SUPT16H: variants seen among roughly 807,000 people sequenced by gnomAD.
SUPT16H encodes the protein SPT16 homolog, facilitates chromatin remodeling subunit.
SUPT16H carries 24 observed loss-of-function variants against 136.2 expected under a neutral mutation model. That is an observed-to-expected ratio of 0.18 (90% CI 0.13 to 0.25). SUPT16H has a LOEUF of 0.25. Ranked by LOEUF, SUPT16H falls within the 10% of genes least tolerant of loss-of-function variation. The pLI is 1.00. For missense variants in SUPT16H, 623 were observed against 1,270.2 expected, an observed-to-expected ratio of 0.49 and a Z score of 7.74; for synonymous variants, 415 against 428.2, an observed-to-expected ratio of 0.97 and a Z score of 0.38.
At position 21,355,321 on chromosome 14, in the gene SUPT16H, CGT is replaced by C. The variant is rs1410457658; in HGVS notation, c.2661-783_2661-782del. On this transcript the variant is annotated intron_variant, in intron 22 of 25. Coordinates refer to ENST00000216297, the MANE Select transcript of SUPT16H (RefSeq NM_007192.4). ...CATCTTGGCTAACACGGTGAAACCC[CGT>C]CCTACTAAAAATACAAAAAATTAGC... 5.3e-5 allele frequency among the ~76,000 whole-genome samples: 8 copies of C among 151,952 alleles called. No individual in the cohort carries two copies. In the South Asian group the frequency reaches 8.3e-4, roughly 16 times the overall value.
chr14:21,360,758 C>A, intron 17 of SUPT16H, 88 bp downstream of exon 17: 1 of 1,535,838 alleles, frequency 6.5e-7, no homozygotes, highest in Non-Finnish European at 8.8e-7. Flanking sequence ...CGGCGGATGG[C>A]TCTTTGTCAT....
Position 21,369,211 on chromosome 14 carries a change from C to T in SUPT16H, c.775G>A (p.Val259Met), listed in dbSNP as rs755415943. 6.2e-7 allele frequency: 1 copy of T among 1,613,752 alleles called. No homozygotes were observed. The highest frequency in any genetic ancestry group is 1.1e-5 in the South Asian group (1 of 91,036). The change falls in exon 6 of 26, where the codon GTG becomes ATG. Residue 259 changes from valine to methionine, a missense_variant. Transcript: ENST00000216297. Reference protein sequence around the residue: ...SGGNYNLKFSVVSDKNHMHFG... With the variant: ...SGGNYNLKFSMVSDKNHMHFG... ...AAGTCTTCATATACTTACCTCACCA[C>T]ACTGAACTTGAGATTATAGTTGCCA...
intron 21 of SUPT16H, 71 bp from the exon 22 acceptor site, chr14:21,357,437 C>T (rs1193331137): frequency 2.1e-6 from 3 of 1,414,340 alleles, no homozygotes; most frequent in African/African-American, 2.9e-5. Context: ...AAATAACTTT[C>T]ATGATCTAAA....
intron 1 of SUPT16H, chr14:21,383,500 AG>A: frequency 1.6e-6 from 1 of 613,708 alleles, no homozygotes; most frequent in South Asian, 1.9e-5. Flanking sequence ...GTGGTTCTGG[AG>A]GGACAGAGCG....
intron 1 of SUPT16H, chr14:21,383,414 T>C (rs759839089): frequency 8.0e-6 from 4 of 500,990 alleles, no homozygotes; most frequent in South Asian, 3.1e-5. Context: ...AAAAGCCCGA[T>C]TGACATCCTC....
Position 21,367,296 on chromosome 14 carries a change from ATACTT to A in SUPT16H, c.956-772_956-768del, listed in dbSNP as rs530979932. On this transcript the variant is annotated intron_variant, in intron 7 of 25. Transcript: ENST00000216297. ...CTAGGAGGACAGTGGTCTTAATAAA[ATACTT>A]TAAGAGTTGATAAATGGTATCACAT... 1.8e-3 allele frequency among the ~76,000 whole-genome samples: 278 copies of A among 152,346 alleles called. 1 individual carries two copies. The highest frequency in any genetic ancestry group is 6.4e-3 in the African/African-American group (266 of 41,584).
intron 9 of SUPT16H, 46 bp from the exon 10 acceptor site, chr14:21,364,985 A>T (rs1283001668): frequency 6.2e-7 from 1 of 1,607,820 alleles, no homozygotes; most frequent in Admixed American, 1.7e-5. Flanking sequence ...GACAATGTGG[A>T]GAGGTGTGAG....
At chr14:21,375,169 C>T (rs547699034) in intron 1 of SUPT16H, among the ~76,000 whole-genome samples, 5 of 152,166 alleles carry the variant, frequency 3.3e-5, no homozygotes, top group South Asian at 4.1e-4. Flanking sequence ...TGCACCACCA[C>T]GCCCAGCTAA....
At chr14:21,381,436 G>T (rs934445490) in intron 1 of SUPT16H, among the ~76,000 whole-genome samples, 7 of 151,980 alleles carry the variant, frequency 4.6e-5, no homozygotes, top group African/African-American at 1.5e-4. Flanking sequence ...CTGTGTACTT[G>T]TATTTGGACT....
At chr14:21,361,309 T>TG in intron 15 of SUPT16H, 96 bp from the exon 16 acceptor site, 1 of 1,053,942 alleles carries the variant, frequency 9.5e-7, no homozygotes, top group Non-Finnish European at 1.3e-6. Flanking sequence ...ATCTCTACTT[T>TG]GCTTTTTTTT....
chr14:21,368,048 G>C (rs971427554), intron 7 of SUPT16H, among the ~76,000 whole-genome samples: 3 of 152,006 alleles, frequency 2.0e-5, no homozygotes, highest in African/African-American at 7.3e-5. Context: ...TGAGTAGCTG[G>C]GACCACAGGC....
intron 15 of SUPT16H, 88 bp downstream of exon 15, chr14:21,362,109 G>A: frequency 6.8e-7 from 1 of 1,461,872 alleles, no homozygotes; most frequent in Non-Finnish European, 9.2e-7. Flanking sequence ...TTACTAGGTA[G>A]GGAAAATGTA....
intron 3 of SUPT16H, among the ~76,000 whole-genome samples, chr14:21,371,416 T>C (rs1886782933): frequency 2.0e-5 from 3 of 152,156 alleles, no homozygotes; most frequent in African/African-American, 4.8e-5. Flanking sequence ...CCACGTCTGA[T>C]ACAACTATCC....
chr14:21,362,273 A>G lies in SUPT16H; in HGVS notation c.1717T>C (p.Tyr573His). 1 of 1,614,008 alleles carries G rather than the reference A, an allele frequency of 6.2e-7. No individual in the cohort carries two copies. Among genetic ancestry groups the G allele is most frequent in the Non-Finnish European group, 8.5e-7 (1 of 1,180,024 alleles). The change falls in exon 15 of 26, where the codon TAT becomes CAT. Residue 573 changes from tyrosine to histidine, a missense_variant. This residue lies in a region of SUPT16H where 62 missense variants were observed against 200.5 expected (regional missense o/e 0.31). Coordinates refer to ENST00000216297, the MANE Select transcript of SUPT16H (RefSeq NM_007192.4). ...GDYTYLRINF[Y>H]CPGSALGRNE... Reference sequence around the variant, plus strand: ...CTGCCCAGAGCACTGCCTGGGCAATAAAAGTTGATTCGCAAGTAAGTATAA... The same window carrying G: ...CTGCCCAGAGCACTGCCTGGGCAATGAAAGTTGATTCGCAAGTAAGTATAA...
At chr14:21,354,701 C>T (rs1594296213) in intron 22 of SUPT16H, 161 bp from the exon 23 acceptor site, 1 of 707,076 alleles carries the variant, frequency 1.4e-6, no homozygotes. Context: ...AAGTGATTCT[C>T]CTGCCTCAGC....
chr14:21,367,552 C>A (rs1196479746), intron 7 of SUPT16H, among the ~76,000 whole-genome samples: 1 of 152,148 alleles, frequency 6.6e-6, no homozygotes, highest in Non-Finnish European at 1.5e-5. Flanking sequence ...CTTCTTAAGA[C>A]CGACTTAGAG....
intron 16 of SUPT16H, 52 bp downstream of exon 16, chr14:21,361,026 A>G: frequency 1.2e-6 from 2 of 1,610,794 alleles, no homozygotes; most frequent in South Asian, 2.2e-5. Context: ...AAGTCTCCAA[A>G]AAATACATGT....
At chr14:21,357,725 C>T (rs1408482266) in intron 21 of SUPT16H, among the ~76,000 whole-genome samples, 1 of 152,128 alleles carries the variant, frequency 6.6e-6, no homozygotes, top group East Asian at 1.9e-4. Flanking sequence ...TTCCTCCCAC[C>T]TTGGCCTCTA....
intron 1 of SUPT16H, among the ~76,000 whole-genome samples, chr14:21,381,397 G>A (rs1336057273): frequency 6.6e-6 from 1 of 152,082 alleles, no homozygotes; most frequent in Non-Finnish European, 1.5e-5. Flanking sequence ...GGAAGAAAAA[G>A]CTTAGTAGCC....
Sources: gnomAD v4.1 joint callset for allele counts (sites outside exome capture counted in the v4.1 genomes callset) on GRCh38, gnomAD v4.1.1 for gene constraint, gnomAD v4.1.1 regional missense constraint, MANE v1.5 for transcripts, NCBI Gene and HGNC (gene_info 2026-07-23, HGNC 2026-07-21) for gene names.